Variants in DPYD observed in about 807,000 individuals in gnomAD.
The protein encoded by DPYD is dihydropyrimidine dehydrogenase [NADP(+)].
In DPYD, 109 loss-of-function variants were observed where a neutral mutation model predicts 116.2. The ratio of observed to expected loss-of-function variants is 0.94; its 90% CI spans 0.80 to 1.10. The LOEUF is 1.10. Ranked by LOEUF, DPYD falls within the 50% of genes least tolerant of loss-of-function variation. The pLI, the probability that DPYD is intolerant of heterozygous loss-of-function variation, is 0.00. For missense variants in DPYD, 1,302 were observed against 1,254.5 expected (o/e 1.04, Z -0.57); for synonymous variants, 440 against 432.0 (o/e 1.02, Z -0.23).
At chr1:97,431,673 C>G (rs1479883828) in intron 14 of DPYD, among the ~76,000 whole-genome samples, 1 of 152,078 alleles carries the variant, frequency 6.6e-6, no homozygotes, top group Non-Finnish European at 1.5e-5. Context: ...GGATATCCAT[C>G]ACCTCAAACA....
intron 16 of DPYD, among the ~76,000 whole-genome samples, chr1:97,337,038 CAGAA>C (rs746613882): frequency 6.6e-6 from 1 of 152,054 alleles, no homozygotes; most frequent in African/African-American, 2.4e-5. Context: ...AAAGCACAGA[CAGAA>C]AGAGTTTGGA....
At chr1:97,720,907 G>A in intron 5 of DPYD, 3 of 1,609,738 alleles carry the variant, frequency 1.9e-6, no homozygotes, top group Non-Finnish European at 2.5e-6. Flanking sequence ...ATTCATTAAA[G>A]AGAAAGCCAG....
At chr1:97,132,125 C>T (rs1021171081) in intron 20 of DPYD, among the ~76,000 whole-genome samples, 3 of 152,124 alleles carry the variant, frequency 2.0e-5, no homozygotes, top group Admixed American at 6.6e-5. Flanking sequence ...TTTTTAAAAA[C>T]ACACATACAC....
intron 14 of DPYD, among the ~76,000 whole-genome samples, chr1:97,396,804 G>A (rs1457982251): frequency 6.6e-6 from 1 of 151,920 alleles, no homozygotes; most frequent in African/African-American, 2.4e-5. Flanking sequence ...CTAGACGTCT[G>A]ACTGTACAGC....
chr1:97,497,043 C>A (rs993753947), intron 13 of DPYD, among the ~76,000 whole-genome samples: 15 of 151,788 alleles, frequency 9.9e-5, no homozygotes, highest in African/African-American at 3.6e-4. Context: ...CAAGCTAGAT[C>A]TCAGGCAAGT....
intron 16 of DPYD, among the ~76,000 whole-genome samples, chr1:97,318,527 C>A (rs1029979702): frequency 1.3e-5 from 2 of 151,842 alleles, no homozygotes; most frequent in Admixed American, 1.3e-4. Flanking sequence ...ACAAGAGGAG[C>A]TAACTATCCT....
intron 1 of DPYD, among the ~76,000 whole-genome samples, chr1:97,884,040 T>G (rs1347268224): frequency 2.0e-5 from 3 of 151,972 alleles, no homozygotes; most frequent in Non-Finnish European, 4.4e-5. Flanking sequence ...ATTGATATAA[T>G]GACATCATTA....
At chr1:97,757,777 T>C (rs925312996) in intron 3 of DPYD, among the ~76,000 whole-genome samples, 2 of 152,106 alleles carry the variant, frequency 1.3e-5, no homozygotes, top group Non-Finnish European at 2.9e-5. Context: ...AAAACACACA[T>C]CTTACATACA....
intron 1 of DPYD, among the ~76,000 whole-genome samples, chr1:97,912,360 G>C (rs1024857322): frequency 6.6e-6 from 1 of 152,040 alleles, no homozygotes; most frequent in African/African-American, 2.4e-5. Flanking sequence ...TAAGAGAGAG[G>C]CTTGAATACA....
intron 8 of DPYD, among the ~76,000 whole-genome samples, chr1:97,602,971 T>C (rs557013048): frequency 6.6e-6 from 1 of 152,166 alleles, no homozygotes; most frequent in Non-Finnish European, 1.5e-5. Context: ...CTCATTACTC[T>C]GCTTTATGGT....
At chr1:97,696,319 T>C (rs997257795) in intron 6 of DPYD, among the ~76,000 whole-genome samples, 1 of 152,058 alleles carries the variant, frequency 6.6e-6, no homozygotes, top group Admixed American at 6.5e-5. Flanking sequence ...AGAAGCAACA[T>C]TGATCATTGA....
chr1:97,646,745 G>C lies in DPYD; in HGVS notation c.850+32350C>G, dbSNP rs187474174. Among the ~76,000 whole-genome samples the C allele has an allele frequency of 7.9e-5, 12 of 152,072 alleles. No homozygotes were observed. The East Asian group carries it at 2.3e-3, about 29-fold the overall frequency. ...GTAATGAGCTAACTTTGCTTAATTGGTTATTTGCAGGATGTTCCTGCAGAG... is the reference window on the plus strand; with the variant it reads ...GTAATGAGCTAACTTTGCTTAATTGCTTATTTGCAGGATGTTCCTGCAGAG... On this transcript the variant is annotated intron_variant, in intron 8 of 22. Coordinates refer to ENST00000370192, the MANE Select transcript of DPYD (RefSeq NM_000110.4).
intron 14 of DPYD, among the ~76,000 whole-genome samples, chr1:97,443,132 G>C (rs1675893986): frequency 6.6e-6 from 1 of 152,150 alleles, no homozygotes; most frequent in South Asian, 2.1e-4. Flanking sequence ...TTAGCTCCTA[G>C]ACTACAACTC....
intron 2 of DPYD, among the ~76,000 whole-genome samples, chr1:97,858,869 A>C (rs944965637): frequency 4.6e-5 from 7 of 152,132 alleles, no homozygotes; most frequent in African/African-American, 1.7e-4. Flanking sequence ...CAAATGCAGA[A>C]TGTGTTTGAC....
At chr1:97,639,882 A>C (rs6663670) in intron 8 of DPYD, among the ~76,000 whole-genome samples, 22,272 of 152,178 alleles carry the variant, frequency 0.15, 1,774 homozygotes, top group African/African-American at 0.19. Flanking sequence ...GATGACGCAG[A>C]ACATGCCTAT....
intron 19 of DPYD, among the ~76,000 whole-genome samples, chr1:97,220,732 G>A (rs1037431276): frequency 1.2e-4 from 18 of 152,040 alleles, no homozygotes; most frequent in Admixed American, 6.6e-5. Context: ...ATCCCTCTAT[G>A]GTTTTTCCAC....
intron 11 of DPYD, among the ~76,000 whole-genome samples, chr1:97,563,185 G>A (rs1315060348): frequency 6.6e-6 from 1 of 152,102 alleles, no homozygotes; most frequent in East Asian, 1.9e-4. Flanking sequence ...TCATTTTATA[G>A]TTTAATTAAA....
At chr1:97,460,162 G>A (rs1334384352) in intron 13 of DPYD, among the ~76,000 whole-genome samples, 2 of 152,116 alleles carry the variant, frequency 1.3e-5, no homozygotes, top group Admixed American at 6.5e-5. Context: ...AAAAAAGCAG[G>A]TGCAAATCTG....
chr1:97,153,738 T>C (rs906693828), intron 20 of DPYD, among the ~76,000 whole-genome samples: 25 of 152,164 alleles, frequency 1.6e-4, no homozygotes, highest in Admixed American at 7.2e-4. Context: ...AAAATCTTCA[T>C]GATCTATACA....
Sources: gnomAD v4.1 joint callset for allele counts (sites outside exome capture counted in the v4.1 genomes callset) on GRCh38, gnomAD v4.1.1 for gene constraint, MANE v1.5 for transcripts, NCBI Gene and HGNC (gene_info 2026-07-23, HGNC 2026-07-21) for gene names.